Variants in MEGF10 observed in about 807,000 individuals in gnomAD.
The protein encoded by MEGF10 is multiple epidermal growth factor-like domains protein 10.
In MEGF10, 86 loss-of-function variants were observed where a neutral mutation model predicts 147.5. That is an observed-to-expected ratio of 0.58 (90% CI 0.49 to 0.70). The LOEUF is 0.70. MEGF10 is among the 30% of genes least tolerant of loss of function. MEGF10 has a pLI of 0.00. For missense variants in MEGF10, 1,329 were observed against 1,487.3 expected, an observed-to-expected ratio of 0.89 and a Z score of 1.75; for synonymous variants, 478 against 525.5, an observed-to-expected ratio of 0.91 and a Z score of 1.24.
chr5:127,433,461 G>C lies in MEGF10; in HGVS notation c.1792G>C (p.Gly598Arg), dbSNP rs765562395. The C allele has an allele frequency of 3.7e-6, 6 of 1,613,676 alleles. No individual in the cohort carries two copies. Among genetic ancestry groups the C allele is most frequent in the Admixed American group, 3.3e-5 (2 of 59,966 alleles). ...TGGGGCTTCATGCTCCCCTGATGAT[G>C]GCATCTGCGAGTGTGCACCAGGCTT... ...KNGASCSPDD[G>R]ICECAPGFRG... Residue 598 changes from glycine to arginine, a missense_variant, in exon 14 of 25, where the codon GGC becomes CGC. By Grantham distance (125) the Gly-to-Arg change is moderately radical. This residue lies in a region of MEGF10 where 980 missense variants were observed against 1,085.9 expected (regional missense o/e 0.90). Coordinates refer to ENST00000503335, the MANE Select transcript of MEGF10 (RefSeq NM_001256545.2).
intron 5 of MEGF10, among the ~76,000 whole-genome samples, chr5:127,393,638 C>T (rs1441536152): frequency 6.6e-6 from 1 of 151,928 alleles, no homozygotes; most frequent in African/African-American, 2.4e-5. Context: ...AAATATAGCC[C>T]GAAGTGGGGA....
the MEGF10 span, among the ~76,000 whole-genome samples, chr5:127,265,969 G>T: frequency 6.7e-4 from 102 of 152,232 alleles, no homozygotes; most frequent in African/African-American, 2.3e-3. Flanking sequence ...CATTGCTTTT[G>T]GTGTTTTAGA....
intron 8 of MEGF10, among the ~76,000 whole-genome samples, chr5:127,404,234 T>A (rs1580823682): frequency 1.3e-5 from 2 of 151,980 alleles, no homozygotes; most frequent in East Asian, 3.9e-4. Flanking sequence ...GAGCACCTTT[T>A]CATATGCCTG....
chr5:127,415,896 CAA>C (rs1156648076), intron 9 of MEGF10, among the ~76,000 whole-genome samples: 5,348 of 55,202 alleles, frequency 0.097, 265 homozygotes, highest in African/African-American at 0.3. Flanking sequence ...GACTCCATCT[CAA>C]AAAAAAAAAA....
intron 8 of MEGF10, among the ~76,000 whole-genome samples, chr5:127,404,037 G>GTAC: frequency 6.6e-6 from 1 of 152,252 alleles, no homozygotes; most frequent in African/African-American, 2.4e-5. Flanking sequence ...CATAGTGGTT[G>GTAC]TACTAATTTA....
intron 13 of MEGF10, among the ~76,000 whole-genome samples, chr5:127,431,472 C>T (rs757300705): frequency 8.5e-5 from 13 of 152,166 alleles, no homozygotes; most frequent in Non-Finnish European, 1.8e-4. Context: ...TCTTACCTGT[C>T]CCCCAAGTCC....
At chr5:127,422,834 C>G (rs771935058) in intron 13 of MEGF10, 62 bp downstream of exon 13, 2 of 1,206,966 alleles carry the variant, frequency 1.7e-6, no homozygotes, top group East Asian at 4.9e-5. Flanking sequence ...TAGTGCTGTT[C>G]CTTATCACTT....
At chr5:127,274,399 G>T in the MEGF10 span, among the ~76,000 whole-genome samples, 3 of 152,154 alleles carry the variant, frequency 2.0e-5, no homozygotes, top group Admixed American at 6.5e-5. Flanking sequence ...TGTGATAAAG[G>T]TATCATGGTT....
At chr5:127,314,691 T>C (rs1371630890) in intron 1 of MEGF10, among the ~76,000 whole-genome samples, 1 of 152,212 alleles carries the variant, frequency 6.6e-6, no homozygotes, top group South Asian at 2.1e-4. Context: ...TAGGAATGAA[T>C]CATAGGCTCT....
the MEGF10 span, among the ~76,000 whole-genome samples, chr5:127,262,021 G>C: frequency 0.046 from 6,956 of 152,152 alleles, 179 homozygotes; most frequent in South Asian, 0.095. Context: ...CACCTTGTCA[G>C]ATACATGATT....
chr5:127,263,472 C>T, the MEGF10 span, among the ~76,000 whole-genome samples: 1 of 151,990 alleles, frequency 6.6e-6, no homozygotes, highest in Non-Finnish European at 1.5e-5. Flanking sequence ...CTAATATAGA[C>T]TAAACTGTTT....
intron 5 of MEGF10, among the ~76,000 whole-genome samples, chr5:127,390,923 A>C (rs2126906326): frequency 6.6e-6 from 1 of 152,198 alleles, no homozygotes; most frequent in Middle Eastern, 3.4e-3. Flanking sequence ...TCTACATAAT[A>C]GGGACAACAA....
At position 127,422,661 on chromosome 5, in the gene MEGF10, T is replaced by C; in HGVS notation, c.1591-9T>C. 6.2e-7 allele frequency: 1 copy of C among 1,612,638 alleles called. No homozygotes were observed. The highest frequency in any genetic ancestry group is 8.5e-7 in the Non-Finnish European group (1 of 1,178,664). ...CTCATTGCTGCCTTTGATGCTGTTT[T>C]CCATGCAGGATGGCACGTACGGGCT... On this transcript the variant is annotated splice_polypyrimidine_tract_variant and intron_variant, in intron 12 of 24. Transcript: ENST00000503335.
chr5:127,313,879 A>G (rs1760406732), intron 1 of MEGF10, among the ~76,000 whole-genome samples: 1 of 152,188 alleles, frequency 6.6e-6, no homozygotes, highest in South Asian at 2.1e-4. Flanking sequence ...GATTCAGAAT[A>G]ACTTCCTTAT....
At chr5:127,375,207 T>C (rs528367963) in intron 5 of MEGF10, among the ~76,000 whole-genome samples, 1 of 141,148 alleles carries the variant, frequency 7.1e-6, no homozygotes, top group African/African-American at 2.6e-5. Context: ...AATTGATAAC[T>C]GTCCTACATA....
At chr5:127,418,969 TG>T in intron 10 of MEGF10, 150 bp from the exon 11 acceptor site, 2 of 865,434 alleles carry the variant, frequency 2.3e-6, no homozygotes, top group Non-Finnish European at 3.5e-6. Context: ...ATTTGTATAG[TG>T]GTGACATTAT....
At chr5:127,435,240 A>C in intron 15 of MEGF10, 121 bp from the exon 16 acceptor site, 3 of 1,174,332 alleles carry the variant, frequency 2.6e-6, no homozygotes, top group Non-Finnish European at 3.6e-6. Context: ...GCTGTTGAGC[A>C]GAGATAGCTA....
Position 127,376,485 on chromosome 5 carries a change from T to C in MEGF10, c.412+6483T>C, listed in dbSNP as rs78749529. Among the ~76,000 whole-genome samples, 327 of 152,192 alleles carry C rather than the reference T, an allele frequency of 2.1e-3. 2 individuals carry two copies. The highest frequency in any genetic ancestry group is 0.01 in the Middle Eastern group (3 of 294). On this transcript the variant is annotated intron_variant, in intron 5 of 24. Transcript: ENST00000503335. ...CCCAATAGAATGAGGAAGAAAACCA[T>C]GGCCAGAATAGGTGTAAACAGGTTT...
intron 5 of MEGF10, among the ~76,000 whole-genome samples, chr5:127,376,752 A>G (rs74955354): frequency 3.3e-5 from 5 of 152,322 alleles, no homozygotes; most frequent in African/African-American, 7.2e-5. Context: ...ATAACATACT[A>G]TAAGATGGTT....
Sources: allele counts gnomAD v4.1 joint callset (sites outside exome capture counted in the v4.1 genomes callset), GRCh38; gene constraint gnomAD v4.1.1; regional missense constraint gnomAD v4.1.1; transcripts MANE v1.5; gene names NCBI Gene and HGNC (gene_info 2026-07-23, HGNC 2026-07-21).